POU6F2: variants seen among roughly 807,000 people sequenced by gnomAD.
The protein encoded by POU6F2 is POU class 6 homeobox 2.
POU6F2 carries 31 observed loss-of-function variants against 71.3 expected under a neutral mutation model. That is an observed-to-expected ratio of 0.43 (90% CI 0.33 to 0.59). The LOEUF (loss-of-function observed/expected upper bound fraction) is 0.59, where lower values mean the gene tolerates loss of function less well. Among genes scored for constraint, POU6F2 ranks in the 20% least tolerant of loss-of-function variants. The pLI, the probability that POU6F2 is intolerant of heterozygous loss-of-function variation, is 0.04. For synonymous variants in POU6F2, 347 were observed against 355.7 expected, an observed-to-expected ratio of 0.98 and a Z score of 0.27; for missense variants, 783 against 856.8, an observed-to-expected ratio of 0.91 and a Z score of 1.07.
chr7:38,999,493 T>C lies in POU6F2; in HGVS notation c.105+21435T>C, dbSNP rs76042668. Among the ~76,000 whole-genome samples, 1,334 of 152,284 alleles carry C rather than the reference T, an allele frequency of 8.8e-3. 7 individuals are homozygous for C. The highest frequency in any genetic ancestry group is 0.015 in the Non-Finnish European group (1,011 of 68,024). ...ATGTAGTATTTAGTATTTCTGTATG[T>C]GGTGTCAACTTTCATGTCATAATAT... On this transcript the variant is annotated intron_variant, in intron 1 of 9. Transcript: ENST00000518318.
intron 2 of POU6F2, among the ~76,000 whole-genome samples, chr7:39,118,356 A>G (rs1791974680): frequency 6.6e-6 from 1 of 152,178 alleles, no homozygotes; most frequent in South Asian, 2.1e-4. Context: ...AGAAACAGGA[A>G]TGGAAGGAGG....
chr7:39,101,417 TAAGAG>T (rs1045848547), intron 2 of POU6F2, among the ~76,000 whole-genome samples: 4 of 151,804 alleles, frequency 2.6e-5, no homozygotes, highest in African/African-American at 9.7e-5. Context: ...AGTCAGCACT[TAAGAG>T]AAGAATTGCT....
chr7:39,273,154 A>G (rs1053937172), intron 4 of POU6F2, among the ~76,000 whole-genome samples: 14 of 151,650 alleles, frequency 9.2e-5, no homozygotes, highest in African/African-American at 3.4e-4. Context: ...ACATATAGAG[A>G]TATTCCACAC....
At chr7:39,234,525 G>A (rs536918666) in intron 4 of POU6F2, among the ~76,000 whole-genome samples, 35 of 152,178 alleles carry the variant, frequency 2.3e-4, no homozygotes, top group Non-Finnish European at 3.7e-4. Flanking sequence ...ATGCAGCCAT[G>A]TTGCTGTGTG....
intron 1 of POU6F2, among the ~76,000 whole-genome samples, chr7:38,988,926 C>G (rs536193781): frequency 1.3e-5 from 2 of 152,148 alleles, no homozygotes; most frequent in Non-Finnish European, 2.9e-5. Context: ...CTCATTTACT[C>G]CCTCCCTGAC....
At chr7:39,398,109 A>T (rs909129887) in intron 5 of POU6F2, among the ~76,000 whole-genome samples, 4 of 152,048 alleles carry the variant, frequency 2.6e-5, no homozygotes, top group Admixed American at 1.3e-4. Flanking sequence ...TAAAGAGTGA[A>T]GCTCCCACTA....
intron 4 of POU6F2, among the ~76,000 whole-genome samples, chr7:39,231,826 T>G (rs1338976731): frequency 2.0e-5 from 3 of 152,028 alleles, no homozygotes; most frequent in Non-Finnish European, 4.4e-5. Flanking sequence ...GAAAAAAAAA[T>G]TATTGTATTT....
intron 4 of POU6F2, among the ~76,000 whole-genome samples, chr7:39,233,265 A>C (rs1794609764): frequency 6.6e-6 from 1 of 151,796 alleles, no homozygotes; most frequent in Non-Finnish European, 1.5e-5. Flanking sequence ...ATATTGTAAA[A>C]TAAGAACTAA....
At chr7:39,087,820 G>A (rs1455887664) in intron 2 of POU6F2, among the ~76,000 whole-genome samples, 1 of 152,120 alleles carries the variant, frequency 6.6e-6, no homozygotes, top group African/African-American at 2.4e-5. Context: ...CAAAAGAGGG[G>A]TGATTGATTT....
At chr7:39,335,224 T>A (rs12701735) in intron 4 of POU6F2, among the ~76,000 whole-genome samples, 2 of 152,068 alleles carry the variant, frequency 1.3e-5, no homozygotes, top group Non-Finnish European at 2.9e-5. Context: ...ACTCTGTTGC[T>A]TATAATAACA....
intron 6 of POU6F2, among the ~76,000 whole-genome samples, chr7:39,419,027 GTGTATATATACA>G (rs1249405617): frequency 6.9e-6 from 1 of 144,004 alleles, no homozygotes; most frequent in African/African-American, 2.6e-5. Flanking sequence ...ATATATATGT[GTGTATATATACA>G]TATATATGTA....
intron 1 of POU6F2, among the ~76,000 whole-genome samples, chr7:38,988,164 T>C (rs1371196574): frequency 6.6e-6 from 1 of 152,124 alleles, no homozygotes; most frequent in Non-Finnish European, 1.5e-5. Flanking sequence ...TGTAGCCATA[T>C]TGCTAAGGAG....
intron 2 of POU6F2, among the ~76,000 whole-genome samples, chr7:39,184,173 G>A (rs944361798): frequency 6.6e-6 from 1 of 152,132 alleles, no homozygotes; most frequent in Non-Finnish European, 1.5e-5. Context: ...GGATTTATTT[G>A]CACAGCAATA....
At chr7:39,448,985 T>C (rs1050532565) in intron 7 of POU6F2, among the ~76,000 whole-genome samples, 5 of 152,370 alleles carry the variant, frequency 3.3e-5, no homozygotes, top group Middle Eastern at 3.4e-3. Flanking sequence ...TTGTTGATTA[T>C]GTGCTCAGCA....
intron 2 of POU6F2, among the ~76,000 whole-genome samples, chr7:39,137,506 G>T (rs1477122369): frequency 1.3e-5 from 2 of 152,168 alleles, no homozygotes; most frequent in Non-Finnish European, 2.9e-5. Flanking sequence ...ATACACACAT[G>T]AAATATCATA....
chr7:39,041,824 CAT>C (rs1790199416), intron 1 of POU6F2, among the ~76,000 whole-genome samples: 1 of 151,880 alleles, frequency 6.6e-6, no homozygotes, highest in African/African-American at 2.4e-5. Context: ...TTTTCTTCCA[CAT>C]GTTTTCATGG....
chr7:39,317,128 G>A (rs1052137990), intron 4 of POU6F2, among the ~76,000 whole-genome samples: 28 of 152,102 alleles, frequency 1.8e-4, no homozygotes, highest in African/African-American at 3.9e-4. Context: ...CACCCCCTCC[G>A]CAGTAAGTTA....
chr7:39,052,365 T>C (rs894150547), intron 1 of POU6F2, among the ~76,000 whole-genome samples: 2 of 152,044 alleles, frequency 1.3e-5, no homozygotes, highest in African/African-American at 2.4e-5. Flanking sequence ...TTATTAAGAA[T>C]TGAAATTTAA....
intron 2 of POU6F2, among the ~76,000 whole-genome samples, chr7:39,092,283 C>T (rs1259427110): frequency 6.6e-6 from 1 of 152,146 alleles, no homozygotes; most frequent in Admixed American, 6.5e-5. Context: ...CATTCTCCAG[C>T]GGATGGGTTT....
Sources: gnomAD v4.1 joint callset for allele counts (sites outside exome capture counted in the v4.1 genomes callset) on GRCh38, gnomAD v4.1.1 for gene constraint, MANE v1.5 for transcripts, NCBI Gene and HGNC (gene_info 2026-07-23, HGNC 2026-07-21) for gene names.